GUCY1A2: variants seen among roughly 807,000 people sequenced by gnomAD.
GUCY1A2 encodes the protein guanylate cyclase 1 soluble subunit alpha 2, also known as guanylate cyclase soluble subunit alpha-2.
A neutral mutation model predicts 63.5 loss-of-function variants in GUCY1A2; 27 were observed. The observed-to-expected ratio is 0.43, with a 90% CI of 0.31 to 0.59. The LOEUF (loss-of-function observed/expected upper bound fraction) is 0.59. Ranked by LOEUF, GUCY1A2 falls within the 20% of genes least tolerant of loss-of-function variation. GUCY1A2 has a pLI of 0.11. For synonymous variants in GUCY1A2, 364 were observed against 343.5 expected (o/e 1.06, Z -0.66); for missense variants, 768 against 913.3 (o/e 0.84, Z 2.05).
At chr11:106,754,063 TC>T (rs1321025186) in intron 6 of GUCY1A2, among the ~76,000 whole-genome samples, 1 of 152,206 alleles carries the variant, frequency 6.6e-6, no homozygotes, top group Non-Finnish European at 1.5e-5. Context: ...CTTGAAGAGG[TC>T]CTTCACATCC....
Position 106,939,797 on chromosome 11 carries a change from G to C in GUCY1A2, c.869C>G (p.Thr290Ser). ...ATTTTCACATTCTTTGATAAGGAAA[G>C]TAAGACAGCTACAATTGCCTGGGTT... ...VSNPGNCSCLTFLIKECENTN... is the reference protein window; with the variant it reads ...VSNPGNCSCLSFLIKECENTN... Residue 290 changes from threonine (T) to serine (S), a missense_variant, in exon 4 of 8, where the codon ACT (threonine) becomes AGT (serine). Physicochemically the swap from Thr to Ser is moderately conservative, Grantham distance 58. Around this residue, in one of 3 missense-constraint regions of GUCY1A2, gnomAD observed 496 missense variants for 486.9 expected, o/e 1.02. Transcript: ENST00000526355. The C allele has an allele frequency of 6.2e-7, 1 of 1,613,848 alleles. No individual in the cohort carries two copies. The highest frequency in any genetic ancestry group is 8.5e-7 in the Non-Finnish European group (1 of 1,179,704).
intron 6 of GUCY1A2, among the ~76,000 whole-genome samples, chr11:106,775,386 G>T (rs1352266232): frequency 2.6e-5 from 4 of 151,930 alleles, no homozygotes; most frequent in Non-Finnish European, 4.4e-5. Context: ...GGATAGGATT[G>T]AAGTTGGCAT....
Position 106,677,413 on chromosome 11 carries a change from G to T in GUCY1A2, c.*10136C>A. ...TGGACTCTTGCATGGTTTCTCATTA[G>T]CACAAAAAATATACTAATGTTTAAT... On this transcript the variant is annotated 3_prime_UTR_variant, in exon 8 of 8. Coordinates refer to ENST00000526355, the MANE Select transcript of GUCY1A2 (RefSeq NM_000855.3). 1 of 208,350 alleles carries T rather than the reference G, an allele frequency of 4.8e-6. No homozygotes were observed. The highest frequency in any genetic ancestry group is 9.8e-6 in the Non-Finnish European group (1 of 102,214). The allele number at this position is 208,350 out of a possible 1,614,324, so 12.9% of individuals were successfully genotyped here.
At chr11:106,970,113 G>T (rs1050753281) in intron 3 of GUCY1A2, among the ~76,000 whole-genome samples, 17 of 152,268 alleles carry the variant, frequency 1.1e-4, no homozygotes, top group African/African-American at 4.1e-4. Flanking sequence ...TGATAGTGTT[G>T]AAAGGAATCT....
intron 4 of GUCY1A2, among the ~76,000 whole-genome samples, chr11:106,928,852 T>G (rs1352759441): frequency 6.6e-6 from 1 of 152,224 alleles, no homozygotes; most frequent in Admixed American, 6.5e-5. Flanking sequence ...CTGTCATATA[T>G]GCAGTCAATC....
intron 6 of GUCY1A2, among the ~76,000 whole-genome samples, chr11:106,753,327 C>A (rs1211091459): frequency 1.3e-5 from 2 of 152,186 alleles, no homozygotes; most frequent in African/African-American, 4.8e-5. Context: ...TGCCTGTTCA[C>A]TCTGCTGATA....
intron 7 of GUCY1A2, among the ~76,000 whole-genome samples, chr11:106,699,123 T>C (rs1862773523): frequency 1.3e-5 from 2 of 152,198 alleles, no homozygotes; most frequent in African/African-American, 4.8e-5. Context: ...CAGCCAAACA[T>C]GTTTAACACT....
At chr11:106,863,353 A>G (rs1053137796) in intron 4 of GUCY1A2, among the ~76,000 whole-genome samples, 1 of 152,136 alleles carries the variant, frequency 6.6e-6, no homozygotes, top group Non-Finnish European at 1.5e-5. Flanking sequence ...AGTTTTCTGC[A>G]TATAACTAGC....
chr11:106,782,321 C>T (rs1376598816), intron 5 of GUCY1A2, among the ~76,000 whole-genome samples: 1 of 152,114 alleles, frequency 6.6e-6, no homozygotes, highest in Non-Finnish European at 1.5e-5. Context: ...TAAAAAGAGA[C>T]AGAGAGAGAA....
chr11:106,725,592 A>T (rs979613959), intron 6 of GUCY1A2, among the ~76,000 whole-genome samples: 1 of 152,202 alleles, frequency 6.6e-6, no homozygotes, highest in African/African-American at 2.4e-5. Flanking sequence ...ACGTAAAGTT[A>T]TTATCAAAAC....
intron 4 of GUCY1A2, among the ~76,000 whole-genome samples, chr11:106,914,572 G>T (rs1008887427): frequency 6.7e-6 from 1 of 149,032 alleles, no homozygotes; most frequent in Non-Finnish European, 1.5e-5. Flanking sequence ...ATTAAAAAGA[G>T]AAATAATTAC....
intron 2 of GUCY1A2, among the ~76,000 whole-genome samples, chr11:106,983,234 T>C (rs10160535): frequency 0.041 from 6,167 of 152,252 alleles, 207 homozygotes; most frequent in African/African-American, 0.095. Context: ...GAAGAGAAGA[T>C]TTATCACATT....
chr11:106,689,927 G>T (rs1862593198), intron 7 of GUCY1A2, among the ~76,000 whole-genome samples: 1 of 151,548 alleles, frequency 6.6e-6, no homozygotes, highest in African/African-American at 2.4e-5. Context: ...CCGGGAGGTG[G>T]AGGTTGCAGT....
rs554987535 is a variant in GUCY1A2 at position 106,809,894 on chromosome 11, C to T, written c.1692+99G>A. On this transcript the variant is annotated intron_variant, in intron 5 of 7. Transcript: ENST00000526355. ...TAAAATTTCTAAATTAAAGAGTTGT[C>T]AATTATTTAGTATCAAGTTTAAGTA... 1.6e-5 allele frequency: 12 copies of T among 752,326 alleles called. No homozygotes were observed. The East Asian group carries it at 3.3e-4, about 21-fold the overall frequency. 46.6% of individuals were successfully genotyped at this position (752,326 alleles called of 1,614,324 possible). A position where few individuals can be genotyped will look rare whatever the true frequency, so the allele number is the denominator to read the frequency against.
intron 3 of GUCY1A2, among the ~76,000 whole-genome samples, chr11:106,969,503 G>A (rs1861167616): frequency 6.6e-6 from 1 of 151,936 alleles, no homozygotes; most frequent in African/African-American, 2.4e-5. Flanking sequence ...TAACACAAAA[G>A]AAAAGGGTTG....
intron 7 of GUCY1A2, among the ~76,000 whole-genome samples, chr11:106,699,397 A>G (rs1014582519): frequency 6.6e-6 from 1 of 152,192 alleles, no homozygotes; most frequent in African/African-American, 2.4e-5. Context: ...TAAGCTTGGC[A>G]TTCTTTGTAA....
chr11:106,915,610 A>G (rs1440976286), intron 4 of GUCY1A2, among the ~76,000 whole-genome samples: 2 of 146,244 alleles, frequency 1.4e-5, no homozygotes, highest in East Asian at 4.2e-4. Context: ...AAGAACATGA[A>G]GGAAACATGG....
At chr11:106,823,720 C>A (rs1483365231) in intron 4 of GUCY1A2, among the ~76,000 whole-genome samples, 1 of 152,144 alleles carries the variant, frequency 6.6e-6, no homozygotes. Flanking sequence ...TGCATCCACA[C>A]AAACATCTAT....
At chr11:106,748,146 T>C (rs921724829) in intron 6 of GUCY1A2, among the ~76,000 whole-genome samples, 2 of 152,214 alleles carry the variant, frequency 1.3e-5, no homozygotes, top group Admixed American at 6.5e-5. Flanking sequence ...GGCTGAATTA[T>C]GATGACACAC....
Sources: gnomAD v4.1 joint callset for allele counts (sites outside exome capture counted in the v4.1 genomes callset) on GRCh38, gnomAD v4.1.1 for gene constraint, gnomAD v4.1.1 regional missense constraint, MANE v1.5 for transcripts, NCBI Gene and HGNC (gene_info 2026-07-23, HGNC 2026-07-21) for gene names.